Variants in TMPO observed in about 807,000 individuals in gnomAD.
TMPO encodes the protein thymopoietin, also known as LEM domain containing 4.
TMPO carries 22 observed loss-of-function variants against 45.4 expected under a neutral mutation model. The observed-to-expected ratio is 0.48, with a 90% CI of 0.35 to 0.69. The LOEUF (loss-of-function observed/expected upper bound fraction) is 0.69, where lower values mean the gene tolerates loss of function less well. Among genes scored for constraint, TMPO ranks in the 30% least tolerant of loss-of-function variants. The pLI, the probability that TMPO is intolerant of heterozygous loss-of-function variation, is 0.01. For missense variants in TMPO, 512 were observed against 548.8 expected (o/e 0.93, Z 0.67); for synonymous variants, 241 against 204.1 (o/e 1.18, Z -1.54).
rs1421200592 is a variant in TMPO at position 98,537,528 on chromosome 12, A to G, written c.619A>G (p.Lys207Glu). Residue 207 changes from lysine (K) to glutamate (E), a missense_variant, in exon 4 of 9, where the codon AAG (lysine) becomes GAG (glutamate). Coordinates refer to ENST00000556029, the MANE Select transcript of TMPO (RefSeq NM_001032283.3). ...EKREPLKGRA[K>E]TPVTLKQRRV... ...GAGAGAACCACTAAAGGGCAGAGCA[A>G]AGACTCCAGTAACACTCAAGCAAAG... The G allele has an allele frequency of 1.2e-6, 2 of 1,613,734 alleles. No homozygotes were observed. Among genetic ancestry groups the G allele is most frequent in the Non-Finnish European group, 1.7e-6 (2 of 1,179,784 alleles).
chr12:98,532,079 A>G (rs1222504819), intron 3 of TMPO: 2 of 450,844 alleles, frequency 4.4e-6, no homozygotes, highest in Non-Finnish European at 4.0e-6. Context: ...CTTTTTTGCT[A>G]CAAATCTCAT....
intron 4 of TMPO, among the ~76,000 whole-genome samples, chr12:98,538,438 A>C (rs1023152224): frequency 2.6e-5 from 4 of 151,942 alleles, no homozygotes; most frequent in African/African-American, 4.8e-5. Flanking sequence ...TGCAACCTCC[A>C]CCCTGCTGGG....
At position 98,546,386 on chromosome 12, in the gene TMPO, G is replaced by T; in HGVS notation, c.1018G>T (p.Val340Leu). 6.2e-7 allele frequency: 1 copy of T among 1,612,828 alleles called. No individual in the cohort carries two copies. The highest frequency in any genetic ancestry group is 8.5e-7 in the Non-Finnish European group (1 of 1,178,904). Residue 340 changes from valine to leucine, a missense_variant, in exon 8 of 9, where the codon GTA (valine) becomes TTA (leucine). Physicochemically the swap from Val to Leu is conservative, Grantham distance 32 (BLOSUM62 1). Around this residue, in one of 3 missense-constraint regions of TMPO, gnomAD observed 209 missense variants for 235.1 expected, o/e 0.89. Transcript: ENST00000556029. The part of the protein sequence containing the change: ...EVGEKTEERR[V>L]ERDILKEMFP... ...GGGAGAAAAAACAGAGGAAAGAAGA[G>T]TAGAAAGGGATATTCTTAAGGAAAT...
chr12:98,525,528 G>A (rs1412360452), intron 1 of TMPO, among the ~76,000 whole-genome samples: 1 of 152,134 alleles, frequency 6.6e-6, no homozygotes, highest in Non-Finnish European at 1.5e-5. Context: ...AACATTTGGG[G>A]TCAGGAGTTC....
chr12:98,516,752 G>A (rs1373968633), intron 1 of TMPO, among the ~76,000 whole-genome samples: 4 of 152,178 alleles, frequency 2.6e-5, no homozygotes, highest in African/African-American at 9.7e-5. Context: ...GGTTCATGCC[G>A]AATTAAAAGG....
In TMPO at chr12:98,549,923, ATG is replaced by A. The variant is rs1181899887; in HGVS notation, c.*2067_*2068del. On this transcript the variant is annotated 3_prime_UTR_variant, in exon 9 of 9. Transcript: ENST00000556029. ...AGAAATGTTTGCCTCTCTGAGTAAAATGTTTCTTTCAGATGAGCCATAGAGGG... is the reference window on the plus strand; with the variant it reads ...AGAAATGTTTGCCTCTCTGAGTAAAATTTCTTTCAGATGAGCCATAGAGGG... 6.6e-6 allele frequency: 1 copy of A among 151,666 alleles called. No homozygotes were observed. The highest frequency in any genetic ancestry group is 2.4e-5 in the African/African-American group (1 of 41,322). The allele number at this position is 151,666 out of a possible 1,614,324, so 9.4% of individuals were successfully genotyped here.
intron 3 of TMPO, chr12:98,534,853 T>A: frequency 1.0e-6 from 1 of 1,001,292 alleles, no homozygotes; most frequent in Non-Finnish European, 1.2e-6. Context: ...TATTCATGTC[T>A]GCAACATCAA....
intron 3 of TMPO, 45 bp downstream of exon 3, chr12:98,531,883 C>T (rs1159664919): frequency 6.5e-7 from 1 of 1,545,530 alleles, no homozygotes; most frequent in East Asian, 2.3e-5. Context: ...AATTTTTTCA[C>T]ACTCAAAATT....
At chr12:98,519,237 G>A (rs780885467) in intron 1 of TMPO, among the ~76,000 whole-genome samples, 1 of 151,832 alleles carries the variant, frequency 6.6e-6, no homozygotes, top group Non-Finnish European at 1.5e-5. Context: ...GTTCTGAGAC[G>A]GAGTCTCCAT....
intron 1 of TMPO, chr12:98,516,651 A>T: frequency 1.5e-6 from 1 of 686,620 alleles, no homozygotes; most frequent in South Asian, 6.5e-5. Flanking sequence ...CCGCCTTTTT[A>T]TACTTTTGCG....
In TMPO at chr12:98,547,870, T is replaced by C. The variant is rs753340029; in HGVS notation, c.*12T>C. The C allele has an allele frequency of 1.2e-6, 2 of 1,613,640 alleles. No homozygotes were observed. The highest frequency in any genetic ancestry group is 1.3e-5 in the African/African-American group (1 of 74,908). On this transcript the variant is annotated 3_prime_UTR_variant, in exon 9 of 9. Coordinates refer to ENST00000556029, the MANE Select transcript of TMPO (RefSeq NM_001032283.3). Reference sequence around the variant, plus strand: ...GAAAATCCAACTGAATGGTATCTCTTTGGCACGTTCAACTTGGTCTCCTAT... The same window carrying C: ...GAAAATCCAACTGAATGGTATCTCTCTGGCACGTTCAACTTGGTCTCCTAT...
Position 98,516,062 on chromosome 12 carries a change from C to T in TMPO, c.195C>T (p.Phe65=). 6.2e-7 allele frequency: 1 copy of T among 1,609,282 alleles called. No individual in the cohort carries two copies. The highest frequency in any genetic ancestry group is 2.2e-5 in the East Asian group (1 of 44,788). The change falls in exon 1 of 9, where the codon TTC becomes TTT. Residue 65 remains phenylalanine, a synonymous_variant. Coordinates refer to ENST00000556029, the MANE Select transcript of TMPO (RefSeq NM_001032283.3). The stretch of plus-strand genomic sequence containing the variant: ...CCAACAGCAAGGGGCCCCCGGACTT[C>T]TCCAGTGACGAAGAGCGCGAGCCCA... The part of the protein sequence containing the change: ...AGTNSKGPPD[F]SSDEEREPTP...
chr12:98,520,974 A>G (rs1364052448), intron 1 of TMPO, among the ~76,000 whole-genome samples: 1 of 152,034 alleles, frequency 6.6e-6, no homozygotes, highest in Non-Finnish European at 1.5e-5. Flanking sequence ...AAGCCAAATT[A>G]TGTTTGAGAG....
Position 98,547,987 on chromosome 12 carries a change from T to C in TMPO, c.*129T>C. On this transcript the variant is annotated 3_prime_UTR_variant, in exon 9 of 9. Transcript: ENST00000556029. The stretch of plus-strand genomic sequence containing the variant: ...TCGCCTCAATAAATGTAGTATTTCA[T>C]TGAAAAGCAAACAAAATATATATAA... 1 of 1,123,024 alleles carries C rather than the reference T, an allele frequency of 8.9e-7. No individual in the cohort carries two copies. The highest frequency in any genetic ancestry group is 2.4e-5 in the East Asian group (1 of 41,946). 69.6% of individuals were successfully genotyped at this position (1,123,024 alleles called of 1,614,324 possible).
chr12:98,526,251 C>T (rs1373825036), intron 1 of TMPO, among the ~76,000 whole-genome samples: 2 of 152,116 alleles, frequency 1.3e-5, no homozygotes, highest in Non-Finnish European at 2.9e-5. Context: ...GATTTCCTTC[C>T]TAAGTCATAA....
chr12:98,537,056 A>G (rs1470768879), intron 3 of TMPO, among the ~76,000 whole-genome samples: 1 of 152,194 alleles, frequency 6.6e-6, no homozygotes, highest in Admixed American at 6.5e-5. Context: ...TAATTTAGTA[A>G]GTCAACCTTT....
chr12:98,537,778 T>G, intron 4 of TMPO: 1 of 641,808 alleles, frequency 1.6e-6, no homozygotes, highest in East Asian at 2.7e-5. Context: ...ATTTTTAATG[T>G]CTCATTTGTG....
chr12:98,516,462 C>T, intron 1 of TMPO: 1 of 1,133,848 alleles, frequency 8.8e-7, no homozygotes, highest in Non-Finnish European at 1.1e-6. Flanking sequence ...GGCGTTTAGA[C>T]GGGGACTTCC....
rs75414803 is a variant in TMPO, at chr12:98,535,709, G to A, written c.566-1766G>A. The stretch of plus-strand genomic sequence containing the variant: ...TGCAACAAGTTAAATATTTGTATAT[G>A]AACACCCCTTTTCCATTTCATCATT... On this transcript the variant is annotated intron_variant, in intron 3 of 8. Transcript: ENST00000556029. 3,989 of 956,058 alleles carry A rather than the reference G, an allele frequency of 4.2e-3. 114 individuals carry two copies. The African/African-American group carries it at 0.062, about 15-fold the overall frequency. The allele number at this position is 956,058 out of a possible 1,614,324, so 59.2% of individuals were successfully genotyped here.
Sources: gnomAD v4.1 joint callset for allele counts (sites outside exome capture counted in the v4.1 genomes callset) on GRCh38, gnomAD v4.1.1 for gene constraint, gnomAD v4.1.1 regional missense constraint, MANE v1.5 for transcripts, NCBI Gene and HGNC (gene_info 2026-07-23, HGNC 2026-07-21) for gene names.